The following ANKDD1A variants were observed in gnomAD, a reference collection of about 807,000 sequenced individuals.
The protein encoded by ANKDD1A is ankyrin repeat and death domain containing 1A.
Under a neutral mutation model 63.5 loss-of-function variants are expected in ANKDD1A, and 59 were observed. The ratio of observed to expected loss-of-function variants is 0.93; its 90% CI spans 0.75 to 1.15. ANKDD1A has a LOEUF of 1.15. Ranked by LOEUF, ANKDD1A falls within the 50% of genes most tolerant of loss-of-function variation. The pLI is 0.00. For missense variants in ANKDD1A, 632 were observed against 656.4 expected, an observed-to-expected ratio of 0.96 and a Z score of 0.41; for synonymous variants, 266 against 263.9, an observed-to-expected ratio of 1.01 and a Z score of -0.08.
chr15:64,953,994 T>C (rs2085369259), intron 14 of ANKDD1A, among the ~76,000 whole-genome samples: 1 of 135,244 alleles, frequency 7.4e-6, no homozygotes, highest in Non-Finnish European at 1.6e-5. Flanking sequence ...CTTCTTCCTT[T>C]CTTTCCTTTC....
chr15:64,952,826 CCTT>C (rs562666472), intron 14 of ANKDD1A, among the ~76,000 whole-genome samples: 5 of 134,496 alleles, frequency 3.7e-5, no homozygotes, highest in South Asian at 2.5e-4. Flanking sequence ...TCTTCCTCCT[CCTT>C]CTTCCTTTCT....
intron 10 of ANKDD1A, 73 bp from the exon 11 acceptor site, chr15:64,943,411 T>G: frequency 8.3e-7 from 1 of 1,211,446 alleles, no homozygotes; most frequent in Non-Finnish European, 1.2e-6. Context: ...AGGATCATTG[T>G]GCGGGCTGAC....
At position 64,931,594 on chromosome 15, in the gene ANKDD1A, G is replaced by C. The variant is rs549602474; in HGVS notation, c.768+9G>C. 3.1e-6 allele frequency: 5 copies of C among 1,613,526 alleles called. No individual in the cohort carries two copies. In the South Asian group the frequency reaches 5.5e-5, roughly 18 times the overall value. ...TGAATGCCCTCACCCAGGTAGCCAG[G>C]CCCTCCCAAGACTGCGGTCGGCTCT... On this transcript the variant is annotated intron_variant, in intron 8 of 14. Coordinates refer to ENST00000319580, the MANE Select transcript of ANKDD1A (RefSeq NM_182703.6).
At chr15:64,926,835 TG>T in intron 5 of ANKDD1A, 65 bp from the exon 6 acceptor site, 1 of 1,558,814 alleles carries the variant, frequency 6.4e-7, no homozygotes, top group Non-Finnish European at 8.8e-7. Flanking sequence ...AGAGGCCAGG[TG>T]GGCAGAGGCA....
chr15:64,924,596 C>T (rs1473564807), intron 4 of ANKDD1A, among the ~76,000 whole-genome samples: 2 of 152,252 alleles, frequency 1.3e-5, no homozygotes, highest in African/African-American at 4.8e-5. Context: ...GTAGCTCTAC[C>T]TTGCCAGGCA....
chr15:64,953,798 CTT>C lies in ANKDD1A; in HGVS notation c.1484-3304_1484-3303del, dbSNP rs1247960113. On this transcript the variant is annotated intron_variant, in intron 14 of 14. Coordinates refer to ENST00000319580, the MANE Select transcript of ANKDD1A (RefSeq NM_182703.6). ...CCTCTTTTCTTTCTTCTGCTTTCTT[CTT>C]CCTTTTTTTCTTCTTCCTTATTCTT... 7.5e-5 allele frequency among the ~76,000 whole-genome samples: 9 copies of C among 119,556 alleles called. No individual in the cohort carries two copies. The East Asian group carries it at 1.9e-3, about 25-fold the overall frequency. The allele number at this position is 119,556 out of a possible 152,430, so 78.4% of individuals were successfully genotyped here. A position where few individuals can be genotyped will look rare whatever the true frequency, so the allele number is the denominator to read the frequency against.
chr15:64,912,306 C>T (rs992017035), intron 1 of ANKDD1A, among the ~76,000 whole-genome samples: 1 of 152,228 alleles, frequency 6.6e-6, no homozygotes, highest in African/African-American at 2.4e-5. Flanking sequence ...TTCGCTGCGG[C>T]CATATGGGTA....
At chr15:64,919,629 T>G (rs950600669) in intron 3 of ANKDD1A, among the ~76,000 whole-genome samples, 1 of 152,262 alleles carries the variant, frequency 6.6e-6, no homozygotes, top group African/African-American at 2.4e-5. Flanking sequence ...TCTTGAAATT[T>G]TGCAAATAGT....
In ANKDD1A at chr15:64,934,128, C is replaced by G. The variant is rs191145154; in HGVS notation, c.769-8C>G. The G allele has an allele frequency of 6.2e-7, 1 of 1,603,230 alleles. No homozygotes were observed. The highest frequency in any genetic ancestry group is 1.7e-5 in the Admixed American group (1 of 59,168). ...TGTGATAACGCATTGATGCCTGTTT[C>G]CTTCTAGAAAAACCTAAGCTGCCTT... On this transcript the variant is annotated splice_polypyrimidine_tract_variant and splice_region_variant and intron_variant, in intron 8 of 14. Transcript: ENST00000319580.
At chr15:64,939,947 C>T (rs1212365276) in intron 9 of ANKDD1A, among the ~76,000 whole-genome samples, 1 of 152,054 alleles carries the variant, frequency 6.6e-6, no homozygotes, top group African/African-American at 2.4e-5. Context: ...AGTTCTTAGA[C>T]TTGACACCAG....
In ANKDD1A at chr15:64,915,866, T is replaced by C. The variant is rs370256531; in HGVS notation, c.104T>C (p.Ile35Thr). 90 of 1,613,722 alleles carry C rather than the reference T, an allele frequency of 5.6e-5. No individual in the cohort carries two copies. The highest frequency in any genetic ancestry group is 3.5e-4 in the African/African-American group (26 of 74,884). The change falls in exon 2 of 15, where the codon ATT (isoleucine) becomes ACT (threonine). Residue 35 changes from isoleucine to threonine, a missense_variant. Transcript: ENST00000319580. ...QNNVGRMQEL[I>T]GRRVNTRARN... ...AATGTCGGCAGGATGCAGGAGCTGA[T>C]TGGGAGGAGGGTTAACACCAGGGCC...
intron 1 of ANKDD1A, among the ~76,000 whole-genome samples, chr15:64,915,213 G>C (rs1228807738): frequency 6.6e-6 from 1 of 152,180 alleles, no homozygotes; most frequent in Non-Finnish European, 1.5e-5. Flanking sequence ...GCTGAGGTGG[G>C]AGAATCGCTT....
intron 14 of ANKDD1A, 53 bp downstream of exon 14, chr15:64,950,025 G>T (rs754351707): frequency 6.9e-6 from 11 of 1,593,208 alleles, no homozygotes; most frequent in Non-Finnish European, 9.4e-6. Context: ...GCCCCCACTG[G>T]AATGCAGCAG....
intron 9 of ANKDD1A, among the ~76,000 whole-genome samples, chr15:64,938,946 A>G (rs1266192257): frequency 1.2e-4 from 1 of 8,614 alleles, no homozygotes; most frequent in Non-Finnish European, 0.023. Context: ...CTCCATCTCA[A>G]AAAAAAAAAA....
At position 64,954,095 on chromosome 15, in the gene ANKDD1A, CCCT is replaced by C. The variant is rs1340375973; in HGVS notation, c.1484-3006_1484-3004del. Among the ~76,000 whole-genome samples the C allele has an allele frequency of 7.4e-3, 987 of 133,308 alleles. 10 individuals are homozygous for C. The highest frequency in any genetic ancestry group is 0.014 in the Admixed American group (169 of 11,998). The allele number at this position is 133,308 out of a possible 152,430, so 87.5% of individuals were successfully genotyped here. Reference sequence around the variant, plus strand: ...TTCCTCTTTTCTTCTTCTTTCTCCTCCCTCTTTTCTTCTTCCTTTCTTTTCTCC... The same window carrying C: ...TTCCTCTTTTCTTCTTCTTTCTCCTCCTTTTCTTCTTCCTTTCTTTTCTCC... On this transcript the variant is annotated intron_variant, in intron 14 of 14. Transcript: ENST00000319580.
In ANKDD1A at chr15:64,942,548, G is replaced by C. The variant is rs147425544; in HGVS notation, c.949G>C (p.Val317Leu). ...VRLLINSDSD[V>L]NAVDNRQQTP... ...GCTCCTCATCAACTCCGACAGTGAC[G>C]TGAATGCCGTGGACAATGTAAGTGG... The change falls in exon 10 of 15, where the codon GTG becomes CTG. Residue 317 changes from valine (V) to leucine (L), a missense_variant. Physicochemically the swap from Val to Leu is conservative, Grantham distance 32. Transcript: ENST00000319580. The C allele has an allele frequency of 3.7e-6, 6 of 1,613,518 alleles. No homozygotes were observed. The highest frequency in any genetic ancestry group is 2.2e-5 in the East Asian group (1 of 44,854).
chr15:64,948,657 C>G (rs554915456), intron 13 of ANKDD1A, among the ~76,000 whole-genome samples: 3 of 152,130 alleles, frequency 2.0e-5, no homozygotes, highest in African/African-American at 7.2e-5. Context: ...AATCCCCCGT[C>G]TCTACTAAAA....
intron 4 of ANKDD1A, among the ~76,000 whole-genome samples, chr15:64,924,304 C>T (rs1448935006): frequency 6.6e-6 from 1 of 152,246 alleles, no homozygotes; most frequent in Non-Finnish European, 1.5e-5. Flanking sequence ...TTGGCAAGGG[C>T]TCTAGAGGCC....
At chr15:64,954,763 CT>C (rs1566919186) in intron 14 of ANKDD1A, among the ~76,000 whole-genome samples, 1 of 127,106 alleles carries the variant, frequency 7.9e-6, no homozygotes, top group African/African-American at 3.4e-5. Context: ...TCTTTTTGTT[CT>C]TCTTTCTTCT....
Sources: gnomAD v4.1 joint callset for allele counts (sites outside exome capture counted in the v4.1 genomes callset) on GRCh38, gnomAD v4.1.1 for gene constraint, MANE v1.5 for transcripts, NCBI Gene and HGNC (gene_info 2026-07-23, HGNC 2026-07-21) for gene names.